The following B3GALT5 variants were observed in gnomAD, a reference collection of about 807,000 sequenced individuals.
The protein encoded by B3GALT5 is beta-1,3-galactosyltransferase 5.
For missense variants in B3GALT5, 328 were observed against 396.6 expected (o/e 0.83, Z 1.47); for synonymous variants, 156 against 158.6 (o/e 0.98, Z 0.12).
At chr21:39,648,932 G>A (rs1057206840) in intron 2 of B3GALT5, among the ~76,000 whole-genome samples, 3 of 152,210 alleles carry the variant, frequency 2.0e-5, no homozygotes, top group South Asian at 2.1e-4. Flanking sequence ...GCCAGAACCC[G>A]GCTGTGCTGG....
chr21:39,660,712 C>A lies in B3GALT5; in HGVS notation c.153C>A (p.Asp51Glu), dbSNP rs1296910181. ...DGNFLKLPDT[D>E]CRQTPPFLVL... ...ACTTCCTTAAGCTCCCAGATACAGACTGCAGGCAGACACCTCCCTTCCTCG... is the reference window on the plus strand; with the variant it reads ...ACTTCCTTAAGCTCCCAGATACAGAATGCAGGCAGACACCTCCCTTCCTCG... The change falls in exon 4 of 4, where the codon GAC becomes GAA. Residue 51 changes from aspartate to glutamate, a missense_variant. By Grantham distance (45) the Asp-to-Glu change is conservative. Coordinates refer to ENST00000684187, the MANE Select transcript of B3GALT5 (RefSeq NM_001356336.2). 6.4e-7 allele frequency: 1 copy of A among 1,557,864 alleles called. No homozygotes were observed. The highest frequency in any genetic ancestry group is 2.0e-5 in the Admixed American group (1 of 50,150).
Position 39,669,795 on chromosome 21 carries a change from G to T in B3GALT5, c.*8303G>T, listed in dbSNP as rs1393404032. The T allele has an allele frequency of 6.6e-6, 1 of 152,194 alleles. No homozygotes were observed. Among genetic ancestry groups the T allele is most frequent in the African/African-American group, 2.4e-5 (1 of 41,444 alleles). The allele number at this position is 152,194 out of a possible 1,614,324, so 9.4% of individuals were successfully genotyped here. A position where few individuals can be genotyped will look rare whatever the true frequency, so the allele number is the denominator to read the frequency against. On this transcript the variant is annotated 3_prime_UTR_variant, in exon 4 of 4. Coordinates refer to ENST00000684187, the MANE Select transcript of B3GALT5 (RefSeq NM_001356336.2). ...TCGGCCTCCAAATGCTGCCTCCCGC[G>T]AGCAGCCTTGCTTTTCTCCACTTGG...
Position 39,658,598 on chromosome 21 carries a change from G to GAGAGAA in B3GALT5, c.-160-1145_-160-1140dup, listed in dbSNP as rs1474703042. On this transcript the variant is annotated intron_variant, in intron 2 of 3. Transcript: ENST00000684187. Reference sequence around the variant, plus strand: ...ATAAATAATGAAAGAGAGAAAGAAGGAGAGAAAGAGAAAGAAAAGTAAAGG... The same window carrying GAGAGAA: ...ATAAATAATGAAAGAGAGAAAGAAGGAGAGAAAGAGAAAGAGAAAGAAAAGTAAAGG... Among the ~76,000 whole-genome samples, 28 of 152,212 alleles carry GAGAGAA rather than the reference G, an allele frequency of 1.8e-4. No homozygotes were observed. In the East Asian group the frequency reaches 5.2e-3, roughly 28 times the overall value.
chr21:39,614,082 G>A (rs184731847), intron 1 of B3GALT5, among the ~76,000 whole-genome samples: 2 of 152,298 alleles, frequency 1.3e-5, no homozygotes, highest in Non-Finnish European at 2.9e-5. Flanking sequence ...GGCTGCTGTT[G>A]AGAGTATTTT....
chr21:39,662,473 T>C lies in B3GALT5; in HGVS notation c.*981T>C, dbSNP rs565298967. 5.1e-4 allele frequency: 85 copies of C among 167,258 alleles called. 1 individual carries two copies. The South Asian group carries it at 9.7e-3, about 19-fold the overall frequency. 10.4% of individuals were successfully genotyped at this position (167,258 alleles called of 1,614,324 possible). The stretch of plus-strand genomic sequence containing the variant: ...TTCTGGGAGCTTTCTGGGAATTCAG[T>C]TGGAGTCAAGTCAGGATGCTCTCAA... On this transcript the variant is annotated 3_prime_UTR_variant, in exon 4 of 4. Transcript: ENST00000684187.
intron 1 of B3GALT5, among the ~76,000 whole-genome samples, chr21:39,624,851 G>GTTT (rs55894121): frequency 1.4e-5 from 2 of 146,764 alleles, no homozygotes. Flanking sequence ...CAAGGCGATA[G>GTTT]TTTTTTTTTT....
chr21:39,658,852 G>GAA (rs550737105), intron 2 of B3GALT5, among the ~76,000 whole-genome samples: 43 of 113,574 alleles, frequency 3.8e-4, no homozygotes, highest in East Asian at 2.7e-3. Context: ...GCTGGTTCTA[G>GAA]AAAGCTCCAT....
At chr21:39,632,402 C>T (rs80289816) in intron 1 of B3GALT5, among the ~76,000 whole-genome samples, 2 of 152,132 alleles carry the variant, frequency 1.3e-5, no homozygotes, top group South Asian at 2.1e-4. Context: ...AGGTTAATTA[C>T]GTGATGGATG....
At chr21:39,630,033 A>G (rs2079183338) in intron 1 of B3GALT5, among the ~76,000 whole-genome samples, 1 of 152,240 alleles carries the variant, frequency 6.6e-6, no homozygotes, top group Admixed American at 6.5e-5. Context: ...TATTCTCAAT[A>G]AAATTTTTAG....
chr21:39,614,825 T>G (rs552938363), intron 1 of B3GALT5, among the ~76,000 whole-genome samples: 1 of 152,312 alleles, frequency 6.6e-6, no homozygotes. Context: ...TCCATTTAAC[T>G]GGGCGTCTGA....
At chr21:39,655,199 A>G (rs1002550942) in intron 2 of B3GALT5, among the ~76,000 whole-genome samples, 1 of 152,230 alleles carries the variant, frequency 6.6e-6, no homozygotes, top group Admixed American at 6.5e-5. Flanking sequence ...GGAAGAGCTG[A>G]TGTTTCAGTT....
Position 39,639,398 on chromosome 21 carries a change from CTTTTTCTT to C in B3GALT5, c.-391-6992_-391-6985del, listed in dbSNP as rs1383091019. Reference sequence around the variant, plus strand: ...TCCTTCCTTCCTTCCTTCCTTCTTTCTTTTTCTTTCTTTCTTTCTTTCTTTCTTTCTTT... The same window carrying C: ...TCCTTCCTTCCTTCCTTCCTTCTTTCTCTTTCTTTCTTTCTTTCTTTCTTT... On this transcript the variant is annotated intron_variant, in intron 1 of 3. Coordinates refer to ENST00000684187, the MANE Select transcript of B3GALT5 (RefSeq NM_001356336.2). Among the ~76,000 whole-genome samples the C allele has an allele frequency of 2.1e-3, 158 of 75,856 alleles. 5 individuals are homozygous for C. Among genetic ancestry groups the C allele is most frequent in the South Asian group, 0.014 (28 of 1,988 alleles). 49.8% of individuals were successfully genotyped at this position (75,856 alleles called of 152,430 possible).
At chr21:39,618,670 C>T (rs771733231) in intron 1 of B3GALT5, among the ~76,000 whole-genome samples, 7 of 152,118 alleles carry the variant, frequency 4.6e-5, no homozygotes, top group Non-Finnish European at 1.0e-4. Context: ...TATAGAAGCT[C>T]ATTTAGAAAT....
At chr21:39,623,998 T>C (rs1179918252) in intron 1 of B3GALT5, among the ~76,000 whole-genome samples, 2 of 152,206 alleles carry the variant, frequency 1.3e-5, no homozygotes, top group Admixed American at 1.3e-4. Context: ...CTGGAGACAG[T>C]TATCTCTGGG....
intron 1 of B3GALT5, among the ~76,000 whole-genome samples, chr21:39,638,757 G>A (rs561571779): frequency 7.2e-5 from 11 of 152,248 alleles, no homozygotes; most frequent in South Asian, 2.1e-4. Context: ...AGACACTGCC[G>A]TGGGGTCAGA....
intron 3 of B3GALT5, 105 bp downstream of exon 3, chr21:39,660,017 GA>G (rs2079494582): frequency 1.5e-6 from 1 of 662,640 alleles, no homozygotes; most frequent in South Asian, 6.8e-5. Context: ...TCAGATCAGA[GA>G]CTGTAAAAAG....
chr21:39,669,503 G>C lies in B3GALT5; in HGVS notation c.*8011G>C, dbSNP rs2079608648. ...TTCGAGGCCGTGGGTTTTGCATACAGAGCTTTCACTGGGTAAATACACAAT... is the reference window on the plus strand; with the variant it reads ...TTCGAGGCCGTGGGTTTTGCATACACAGCTTTCACTGGGTAAATACACAAT... On this transcript the variant is annotated 3_prime_UTR_variant, in exon 4 of 4. Coordinates refer to ENST00000684187, the MANE Select transcript of B3GALT5 (RefSeq NM_001356336.2). The C allele has an allele frequency of 6.6e-6, 1 of 152,178 alleles. No individual in the cohort carries two copies. Among genetic ancestry groups the C allele is most frequent in the Admixed American group, 6.5e-5 (1 of 15,276 alleles). 9.4% of individuals were successfully genotyped at this position (152,178 alleles called of 1,614,324 possible).
intron 1 of B3GALT5, among the ~76,000 whole-genome samples, chr21:39,639,279 G>C (rs74276736): frequency 0.057 from 8,354 of 146,460 alleles, 322 homozygotes; most frequent in Admixed American, 0.13. Flanking sequence ...AGCAGCTTCA[G>C]GCATCTGGCT....
intron 1 of B3GALT5, among the ~76,000 whole-genome samples, chr21:39,621,662 G>A (rs1334734306): frequency 6.6e-6 from 1 of 151,806 alleles, no homozygotes; most frequent in Non-Finnish European, 1.5e-5. Flanking sequence ...ATGATTTGCT[G>A]GAAAATTATT....
Sources: allele counts gnomAD v4.1 joint callset (sites outside exome capture counted in the v4.1 genomes callset), GRCh38; gene constraint gnomAD v4.1.1; transcripts MANE v1.5; gene names NCBI Gene and HGNC (gene_info 2026-07-23, HGNC 2026-07-21).